TMCO6: variants seen among roughly 807,000 people sequenced by gnomAD.
The protein encoded by TMCO6 is transmembrane and coiled-coil domain-containing protein 6.
In TMCO6, 47 loss-of-function variants were observed where a neutral mutation model predicts 61.8. The observed-to-expected ratio is 0.76, with a 90% CI of 0.60 to 0.97. The LOEUF (loss-of-function observed/expected upper bound fraction) is 0.97. Among genes scored for constraint, TMCO6 ranks in the 50% least tolerant of loss-of-function variants. The pLI is 0.00. For missense variants in TMCO6, 557 were observed against 601.6 expected, an observed-to-expected ratio of 0.93 and a Z score of 0.78; for synonymous variants, 261 against 254.2, an observed-to-expected ratio of 1.03 and a Z score of -0.25.
chr5:140,633,207 A>C, the TMCO6 span: 10 of 1,103,122 alleles, frequency 9.1e-6, no homozygotes, highest in Non-Finnish European at 1.3e-5. Context: ...CAGTTTATGT[A>C]ATCCTGGGAT....
At chr5:140,639,937 A>T in intron 2 of TMCO6, 86 bp downstream of exon 2, 1 of 1,121,550 alleles carries the variant, frequency 8.9e-7, no homozygotes, top group Non-Finnish European at 1.3e-6. Context: ...CCAAACCTGA[A>T]CGCAATCCAC....
rs925639517 is a variant in TMCO6, at chr5:140,644,080, C to T, written c.1106-20C>T. The stretch of plus-strand genomic sequence containing the variant: ...GGTGGTGGGGGAAAGCAGTTTTTCA[C>T]CCTGGTACTTCTCTTCCAGCAAACA... On this transcript the variant is annotated intron_variant, in intron 9 of 11. Coordinates refer to ENST00000394671, the MANE Select transcript of TMCO6 (RefSeq NM_018502.5). The T allele has an allele frequency of 1.2e-6, 2 of 1,613,934 alleles. No homozygotes were observed. Among genetic ancestry groups the T allele is most frequent in the Non-Finnish European group, 1.7e-6 (2 of 1,179,822 alleles).
Position 140,645,192 on chromosome 5 carries a change from T to C in TMCO6, c.*94T>C. On this transcript the variant is annotated 3_prime_UTR_variant, in exon 12 of 12. Transcript: ENST00000394671. Reference sequence around the variant, plus strand: ...GGAGATTTAGGACCATAATGAGGTCTCATGTTCTCTGCTCCCACACCTAAG... The same window carrying C: ...GGAGATTTAGGACCATAATGAGGTCCCATGTTCTCTGCTCCCACACCTAAG... The C allele has an allele frequency of 7.8e-7, 1 of 1,275,274 alleles. No individual in the cohort carries two copies. 79.0% of individuals were successfully genotyped at this position (1,275,274 alleles called of 1,614,324 possible).
At chr5:140,605,567 C>T in the TMCO6 span, among the ~76,000 whole-genome samples, 1 of 151,922 alleles carries the variant, frequency 6.6e-6, no homozygotes, top group African/African-American at 2.4e-5. Flanking sequence ...GTAATCCCAG[C>T]TACTTGGGAG....
chr5:140,638,596 CT>C (rs1173996731), upstream of TMCO6: 7 of 144,176 alleles, frequency 4.9e-5, no homozygotes, highest in Non-Finnish European at 7.5e-5. Context: ...GAGTTTCGCT[CT>C]TGTACCCCAG....
At position 140,642,329 on chromosome 5, in the gene TMCO6, T is replaced by A; in HGVS notation, c.513T>A (p.Tyr171Ter). 1 of 1,613,160 alleles carries A rather than the reference T, an allele frequency of 6.2e-7. No homozygotes were observed. Among genetic ancestry groups the A allele is most frequent in the Admixed American group, 1.7e-5 (1 of 59,902 alleles). ...CCTGTTCTCAGGAGCTGTGTCTGTA[T>A]ACACTGGGTAACCTGATCGTGGAGA... Reference protein sequence around the residue: ...HSSDFIELCLYTLGNLIVESE... With the variant: ...HSSDFIELCL Residue 171 changes from tyrosine (Y) to a stop codon, truncating the protein, a stop_gained, in exon 5 of 12, where the codon TAT becomes TAA. Transcript: ENST00000394671. LOFTEE classifies it high-confidence loss of function.
At chr5:140,615,137 T>A in the TMCO6 span, among the ~76,000 whole-genome samples, 269 of 152,316 alleles carry the variant, frequency 1.8e-3, 3 homozygotes, top group Admixed American at 6.1e-3. Flanking sequence ...AAAATCACTG[T>A]TTCTATATAT....
At chr5:140,632,877 C>T in the TMCO6 span, 2 of 1,614,176 alleles carry the variant, frequency 1.2e-6, no homozygotes, top group Non-Finnish European at 1.7e-6. The surrounding 1 kb of genome is among the most constrained non-coding windows in gnomAD (Gnocchi z 6.2). Flanking sequence ...GGAGAAGTTG[C>T]AGACGCAGCG....
chr5:140,620,633 G>T, the TMCO6 span, among the ~76,000 whole-genome samples: 1 of 152,060 alleles, frequency 6.6e-6, no homozygotes, highest in African/African-American at 2.4e-5. Context: ...CAGACCCAGG[G>T]GTATATGGAA....
chr5:140,607,490 T>C, the TMCO6 span, among the ~76,000 whole-genome samples: 1 of 152,236 alleles, frequency 6.6e-6, no homozygotes, highest in African/African-American at 2.4e-5. Context: ...GTGTATAGTG[T>C]TGATATGAAC....
Position 140,641,947 on chromosome 5 carries a change from G to T in TMCO6, c.392G>T (p.Cys131Phe), listed in dbSNP as rs375243781. The change falls in exon 4 of 12, where the codon TGC becomes TTC. Residue 131 changes from cysteine to phenylalanine, a missense_variant. Cys to Phe is a radical substitution (Grantham distance 205). Coordinates refer to ENST00000394671, the MANE Select transcript of TMCO6 (RefSeq NM_018502.5). ...QALLQLEAAR[C>F]LHELSHSEQS... ...CTGCTGCAGCTTGAGGCGGCTCGGT[G>T]CCTGCATGAGCTCTCTCACTCCGAG... The T allele has an allele frequency of 3.7e-6, 6 of 1,613,844 alleles. No individual in the cohort carries two copies. Among genetic ancestry groups the T allele is most frequent in the African/African-American group, 1.3e-5 (1 of 74,924 alleles).
the TMCO6 span, among the ~76,000 whole-genome samples, chr5:140,605,003 T>C: frequency 6.6e-6 from 1 of 152,188 alleles, no homozygotes; most frequent in African/African-American, 2.4e-5. Flanking sequence ...ATTTAGGTCT[T>C]CTTTAATTTA....
chr5:140,644,137 G>A lies in TMCO6; in HGVS notation c.1143G>A (p.Leu381=). 6.2e-7 allele frequency: 1 copy of A among 1,614,188 alleles called. No homozygotes were observed. The highest frequency in any genetic ancestry group is 8.5e-7 in the Non-Finnish European group (1 of 1,180,026). ...SPSFCTSLLS[L]DLIEPLLQLL... ...GTTTCTGTACCTCCTTGCTCTCCCT[G>A]GATCTGATTGAGCCTCTCTTACAGC... Residue 381 remains leucine, a synonymous_variant, in exon 10 of 12, where the codon CTG becomes CTA. Transcript: ENST00000394671.
At chr5:140,599,210 A>G in the TMCO6 span, among the ~76,000 whole-genome samples, 4 of 152,186 alleles carry the variant, frequency 2.6e-5, no homozygotes, top group African/African-American at 9.7e-5. Flanking sequence ...CACTCATTCC[A>G]TGGACCCAGG....
At position 140,643,758 on chromosome 5, in the gene TMCO6, ACCC is replaced by A. The variant is rs756420856; in HGVS notation, c.919-18_919-16del. The A allele has an allele frequency of 6.2e-7, 1 of 1,607,356 alleles. No homozygotes were observed. The highest frequency in any genetic ancestry group is 2.2e-5 in the East Asian group (1 of 44,688). On this transcript the variant is annotated intron_variant, in intron 8 of 11. Coordinates refer to ENST00000394671, the MANE Select transcript of TMCO6 (RefSeq NM_018502.5). ...GGTAACCTCTTCCTTCTTACACCTG[ACCC>A]CCCAATTTGTCTTTGCAGCTGGCAT...
At chr5:140,636,841 C>A (rs1246847523), upstream of TMCO6, among the ~76,000 whole-genome samples, 3 of 152,098 alleles carry the variant, frequency 2.0e-5, no homozygotes, top group South Asian at 2.1e-4. Flanking sequence ...CTTAATTGAA[C>A]CTTTGCCTAA....
the TMCO6 span, among the ~76,000 whole-genome samples, chr5:140,612,217 T>A: frequency 1.3e-5 from 2 of 152,104 alleles, no homozygotes; most frequent in South Asian, 4.1e-4. Flanking sequence ...GACCACAAAG[T>A]GCCATGTAGA....
In TMCO6 at chr5:140,645,319, A is replaced by C; in HGVS notation, c.*221A>C. The C allele has an allele frequency of 1.4e-6, 1 of 722,224 alleles. No individual in the cohort carries two copies. Among genetic ancestry groups the C allele is most frequent in the Non-Finnish European group, 2.4e-6 (1 of 413,184 alleles). 44.7% of individuals were successfully genotyped at this position (722,224 alleles called of 1,614,324 possible). A position where few individuals can be genotyped will look rare whatever the true frequency, so the allele number is the denominator to read the frequency against. ...GGTCTACTTACTCTGGGGCCCTAGA[A>C]TCCCTGCCCCCCCGCCACCCTTCAT... On this transcript the variant is annotated 3_prime_UTR_variant, in exon 12 of 12. Transcript: ENST00000394671.
the TMCO6 span, among the ~76,000 whole-genome samples, chr5:140,617,739 A>C: frequency 1.4e-5 from 2 of 139,796 alleles, no homozygotes; most frequent in South Asian, 2.2e-4. Flanking sequence ...GTCAAAAAAA[A>C]AAAAAAAAAC....
Sources: allele counts gnomAD v4.1 joint callset (sites outside exome capture counted in the v4.1 genomes callset), GRCh38; gene constraint gnomAD v4.1.1; non-coding constraint Gnocchi (gnomAD v3.1); transcripts MANE v1.5; gene names NCBI Gene and HGNC (gene_info 2026-07-23, HGNC 2026-07-21).